The following SMYD3 variants were observed in gnomAD, a reference collection of about 807,000 sequenced individuals.
SMYD3 encodes the protein histone-lysine N-methyltransferase SMYD3.
Under a neutral mutation model 57.7 loss-of-function variants are expected in SMYD3, and 36 were observed. That is an observed-to-expected ratio of 0.62 (90% CI 0.48 to 0.82). The LOEUF (loss-of-function observed/expected upper bound fraction) is 0.82, where lower values mean the gene tolerates loss of function less well. Ranked by LOEUF, SMYD3 falls within the 40% of genes least tolerant of loss-of-function variation. The pLI is 0.00. For synonymous variants in SMYD3, 211 were observed against 195.0 expected, an observed-to-expected ratio of 1.08 and a Z score of -0.68; for missense variants, 515 against 538.8, an observed-to-expected ratio of 0.96 and a Z score of 0.44.
chr1:245,806,772 C>G (rs368552952), intron 10 of SMYD3, among the ~76,000 whole-genome samples: 7 of 150,810 alleles, frequency 4.6e-5, no homozygotes, highest in South Asian at 2.1e-4. Context: ...TAGCCGGGCG[C>G]GGTGGCGGGC....
chr1:246,314,232 A>T (rs183103713), intron 5 of SMYD3, among the ~76,000 whole-genome samples: 1 of 152,344 alleles, frequency 6.6e-6, no homozygotes. Flanking sequence ...GTATTAGAGA[A>T]TATTATCAAA....
intron 10 of SMYD3, chr1:245,814,220 G>A (rs551128700): frequency 4.5e-6 from 1 of 224,666 alleles, no homozygotes; most frequent in African/African-American, 2.3e-5. Flanking sequence ...TGAGGACAAG[G>A]ACCTGCATTT....
chr1:245,939,520 G>A (rs1275248042), intron 5 of SMYD3, among the ~76,000 whole-genome samples: 3 of 152,088 alleles, frequency 2.0e-5, no homozygotes, highest in Admixed American at 6.5e-5. Flanking sequence ...CAAGCTACTC[G>A]GGAGACTGAG....
intron 10 of SMYD3, among the ~76,000 whole-genome samples, chr1:245,826,411 CACTA>C (rs2049494943): frequency 2.0e-5 from 3 of 152,106 alleles, no homozygotes; most frequent in Admixed American, 2.0e-4. Flanking sequence ...GAAGGGGTCT[CACTA>C]TGTTGCCCAG....
intron 1 of SMYD3, among the ~76,000 whole-genome samples, chr1:246,493,952 A>G (rs561752903): frequency 6.6e-6 from 1 of 152,316 alleles, no homozygotes; most frequent in African/African-American, 2.4e-5. Context: ...GTTTGGTTCC[A>G]GGCCCTCTAC....
intron 5 of SMYD3, among the ~76,000 whole-genome samples, chr1:245,968,090 C>T (rs370071471): frequency 1.3e-5 from 2 of 152,258 alleles, no homozygotes; most frequent in African/African-American, 4.8e-5. Context: ...TTTCTCTACT[C>T]GCTGACAGTT....
At chr1:246,111,692 C>G (rs1338675386) in intron 5 of SMYD3, among the ~76,000 whole-genome samples, 1 of 152,184 alleles carries the variant, frequency 6.6e-6, no homozygotes, top group Non-Finnish European at 1.5e-5. Flanking sequence ...CGGTGCACAT[C>G]CCCTTTGCGT....
intron 10 of SMYD3, among the ~76,000 whole-genome samples, chr1:245,847,471 A>T (rs1382345890): frequency 1.3e-5 from 2 of 152,246 alleles, no homozygotes; most frequent in African/African-American, 4.8e-5. Context: ...TGTCCTTTAC[A>T]TAAAATTAAA....
At chr1:245,923,723 C>A (rs1410289727) in intron 7 of SMYD3, among the ~76,000 whole-genome samples, 2 of 152,150 alleles carry the variant, frequency 1.3e-5, no homozygotes, top group South Asian at 2.1e-4. Context: ...TCGAGTGCTC[C>A]TGCTCTGAGC....
chr1:245,937,947 G>A (rs767907419), intron 5 of SMYD3, among the ~76,000 whole-genome samples: 1 of 152,190 alleles, frequency 6.6e-6, no homozygotes, highest in Admixed American at 6.5e-5. Flanking sequence ...ATATGGCAGC[G>A]TGTGGCTCAA....
At chr1:246,318,381 AT>A (rs2065198049) in intron 5 of SMYD3, among the ~76,000 whole-genome samples, 1 of 152,182 alleles carries the variant, frequency 6.6e-6, no homozygotes, top group Non-Finnish European at 1.5e-5. Context: ...TTTAAAAATA[AT>A]TTTTTAATGA....
chr1:246,232,455 G>A (rs1351799759), intron 5 of SMYD3, among the ~76,000 whole-genome samples: 2 of 151,914 alleles, frequency 1.3e-5, no homozygotes, highest in Non-Finnish European at 2.9e-5. Flanking sequence ...ATACCACAGA[G>A]AGGAGAAGCA....
At chr1:245,935,887 G>T (rs1398838812) in intron 5 of SMYD3, among the ~76,000 whole-genome samples, 1 of 152,196 alleles carries the variant, frequency 6.6e-6, no homozygotes, top group Non-Finnish European at 1.5e-5. Context: ...GGGCTGGGGA[G>T]AGAAATGGGG....
intron 5 of SMYD3, among the ~76,000 whole-genome samples, chr1:245,977,566 C>T (rs968015111): frequency 4.6e-5 from 7 of 152,272 alleles, no homozygotes; most frequent in Admixed American, 4.6e-4. Context: ...GTAATCCCAG[C>T]TACTCTGGAG....
At chr1:246,498,653 C>T (rs1016433545) in intron 1 of SMYD3, among the ~76,000 whole-genome samples, 1 of 151,046 alleles carries the variant, frequency 6.6e-6, no homozygotes, top group African/African-American at 2.4e-5. Context: ...ATAGTGTGAA[C>T]CTGGGAGACG....
intron 5 of SMYD3, among the ~76,000 whole-genome samples, chr1:246,110,593 C>T (rs1044484007): frequency 2.0e-5 from 3 of 152,230 alleles, no homozygotes; most frequent in African/African-American, 7.2e-5. Context: ...GTCCTGGCTC[C>T]CCGCTGCAAG....
intron 5 of SMYD3, among the ~76,000 whole-genome samples, chr1:246,026,925 G>A (rs1394612912): frequency 6.6e-6 from 1 of 152,174 alleles, no homozygotes; most frequent in Admixed American, 6.5e-5. Flanking sequence ...GCACAAAACA[G>A]TTAGCCAACT....
At chr1:245,955,169 G>C (rs1558531135) in intron 5 of SMYD3, among the ~76,000 whole-genome samples, 1 of 152,158 alleles carries the variant, frequency 6.6e-6, no homozygotes, top group Non-Finnish European at 1.5e-5. Context: ...TCAGCTCACT[G>C]CAAGTTCCGC....
intron 1 of SMYD3, among the ~76,000 whole-genome samples, chr1:246,431,224 AG>A (rs1345746581): frequency 6.6e-6 from 1 of 152,234 alleles, no homozygotes; most frequent in Non-Finnish European, 1.5e-5. Flanking sequence ...ATCAAAAAAA[AG>A]AAAAAAACAA....
Sources: allele counts gnomAD v4.1 joint callset (sites outside exome capture counted in the v4.1 genomes callset), GRCh38; gene constraint gnomAD v4.1.1; transcripts MANE v1.5; gene names NCBI Gene and HGNC (gene_info 2026-07-23, HGNC 2026-07-21).